The following FAAH2 variants were observed in gnomAD, a reference collection of about 807,000 sequenced individuals.
The protein encoded by FAAH2 is fatty acid amide hydrolase 2, also known as fatty-acid amide hydrolase 2.
A neutral mutation model predicts 36.9 loss-of-function variants in FAAH2; 60 were observed. That is an observed-to-expected ratio of 1.63 (90% confidence interval 1.32 to 2.02). The LOEUF (loss-of-function observed/expected upper bound fraction) is 2.02. FAAH2 is among the 30% of genes most tolerant of loss of function. The pLI, the probability that FAAH2 is intolerant of heterozygous loss-of-function variation, is 0.00. For missense variants in FAAH2, 689 were observed against 397.5 expected (o/e 1.73, Z -6.23); for synonymous variants, 214 against 143.8 (o/e 1.49, Z -3.49).
intron 4 of FAAH2, among the ~76,000 whole-genome samples, chrX:57,332,042 C>A (rs1312975556): frequency 9.0e-6 from 1 of 111,237 alleles, no homozygotes; most frequent in Non-Finnish European, 1.9e-5. Flanking sequence ...TGAGAATGAA[C>A]TACAAGTGAT....
At chrX:57,185,210 A>C in the FAAH2 span, among the ~76,000 whole-genome samples, 1 of 110,628 alleles carries the variant, frequency 9.0e-6, no homozygotes, top group Non-Finnish European at 1.9e-5. Context: ...TTAACTCACC[A>C]TCCCCAACTG....
At chrX:57,430,764 T>A (rs2056276249) in intron 7 of FAAH2, among the ~76,000 whole-genome samples, 1 of 111,847 alleles carries the variant, frequency 8.9e-6, no homozygotes, top group Non-Finnish European at 1.9e-5. Context: ...TAAATTTATT[T>A]TTTTTAGTTT....
At chrX:57,395,721 A>T (rs1445875471) in intron 7 of FAAH2, among the ~76,000 whole-genome samples, 2 of 111,775 alleles carry the variant, frequency 1.8e-5, no homozygotes, top group African/African-American at 6.5e-5. Flanking sequence ...TCAAACCCAC[A>T]TGGCTTGATG....
At chrX:57,296,036 G>A (rs969915445) in intron 2 of FAAH2, among the ~76,000 whole-genome samples, 2 of 112,516 alleles carry the variant, frequency 1.8e-5, no homozygotes, top group Non-Finnish European at 3.8e-5. Context: ...GCAGGACACA[G>A]ACAAACAAAA....
rs1337323590 is a variant in FAAH2, at chrX:57,427,321, AG to A, written c.997-4596del. On this transcript the variant is annotated intron_variant, in intron 7 of 10. Coordinates refer to ENST00000374900, the MANE Select transcript of FAAH2 (RefSeq NM_174912.4). ...CTCAATTCTACCCAATGTGCAAAGC[AG>A]AACTTATTCCAGTCCTACTGAAACA... 1.1e-4 allele frequency among the ~76,000 whole-genome samples: 12 copies of A among 111,433 alleles called. No homozygotes were observed. In the East Asian group the frequency reaches 3.1e-3, roughly 29 times the overall value.
At chrX:57,459,002 G>A (rs1379691861) in intron 10 of FAAH2, among the ~76,000 whole-genome samples, 1 of 111,715 alleles carries the variant, frequency 9.0e-6, no homozygotes, top group African/African-American at 3.3e-5. Flanking sequence ...GAGGGAAAGG[G>A]GGCTGAAGCC....
chrX:57,422,318 C>A (rs1341588222), intron 7 of FAAH2, among the ~76,000 whole-genome samples: 1 of 111,753 alleles, frequency 8.9e-6, no homozygotes, highest in Non-Finnish European at 1.9e-5. Flanking sequence ...CCTTTAAGTT[C>A]TTGATGGAAC....
chrX:57,446,836 T>A lies in FAAH2; in HGVS notation c.1117-92T>A. On this transcript the variant is annotated intron_variant, in intron 8 of 10. Transcript: ENST00000374900. ...TTGACTGGTATTTTACTGTTATGAA[T>A]GATTATTCATATATAAGTCTTGTAT... The A allele has an allele frequency of 7.7e-6, 4 of 522,286 alleles. No individual in the cohort carries two copies. In the South Asian group the frequency reaches 1.5e-4, roughly 19 times the overall value. 43.0% of individuals were successfully genotyped at this position (522,286 alleles called of 1,213,427 possible).
In FAAH2 at chrX:57,380,973, G is replaced by C. The variant is rs1424303007; in HGVS notation, c.940G>C (p.Gly314Arg). ...DLKFYWMEHD[G>R]GSFLMSKVDQ... ...AAAATTTTACTGGATGGAACATGAT[G>C]GAGGCTCATTTTTAATGTCCAAAGT... is the stretch of plus-strand genomic sequence containing the variant. The change falls in exon 7 of 11, where the codon GGA (glycine) becomes CGA (arginine). Residue 314 changes from glycine (G) to arginine (R), a missense_variant. Gly to Arg is a moderately radical substitution (Grantham distance 125). Transcript: ENST00000374900. 1 of 1,201,942 alleles carries C rather than the reference G, an allele frequency of 8.3e-7. No homozygotes were observed. Among genetic ancestry groups the C allele is most frequent in the Non-Finnish European group, 1.1e-6 (1 of 891,017 alleles).
chrX:57,344,464 A>G lies in FAAH2; in HGVS notation c.742+3074A>G, dbSNP rs192790622. Among the ~76,000 whole-genome samples the G allele has an allele frequency of 5.4e-5, 6 of 111,489 alleles. No individual in the cohort carries two copies. In the East Asian group the frequency reaches 1.7e-3, roughly 32 times the overall value. ...CTGTACATGAATTTTGTGTCCTGAA[A>G]CTTTACTAAAGTCATTTATCAATTC... On this transcript the variant is annotated intron_variant, in intron 5 of 10. Coordinates refer to ENST00000374900, the MANE Select transcript of FAAH2 (RefSeq NM_174912.4).
chrX:57,371,411 G>A (rs2054547105), intron 5 of FAAH2, among the ~76,000 whole-genome samples: 1 of 111,919 alleles, frequency 8.9e-6, no homozygotes, highest in African/African-American at 3.2e-5. Context: ...CCATGCTTCT[G>A]CAAATGAATT....
At chrX:57,441,088 A>G (rs1410536416) in intron 8 of FAAH2, among the ~76,000 whole-genome samples, 7 of 111,353 alleles carry the variant, frequency 6.3e-5, no homozygotes, top group Admixed American at 9.6e-5. Flanking sequence ...TGTTTCTGCC[A>G]GGCTTTGGTA....
At chrX:57,211,945 A>T in the FAAH2 span, among the ~76,000 whole-genome samples, 12 of 112,109 alleles carry the variant, frequency 1.1e-4, no homozygotes, top group Admixed American at 1.0e-3. Context: ...GTAAATTTAA[A>T]AATAAGTGGG....
chrX:57,353,495 A>AAAAG (rs1555980725), intron 5 of FAAH2, among the ~76,000 whole-genome samples: 1 of 106,969 alleles, frequency 9.3e-6, no homozygotes, highest in Non-Finnish European at 1.9e-5. Flanking sequence ...ATTAAAAAAA[A>AAAAG]AAAAAGAAAA....
the FAAH2 span, among the ~76,000 whole-genome samples, chrX:57,277,104 C>T: frequency 9.2e-6 from 1 of 108,642 alleles, no homozygotes; most frequent in Non-Finnish European, 1.9e-5. Flanking sequence ...ATACCAAAAC[C>T]TGGCAGAGAC....
the FAAH2 span, among the ~76,000 whole-genome samples, chrX:57,204,139 C>T: frequency 1.8e-5 from 2 of 111,107 alleles, no homozygotes; most frequent in African/African-American, 6.6e-5. Context: ...AATCATTGTG[C>T]GCCACCTCTG....
intron 2 of FAAH2, among the ~76,000 whole-genome samples, chrX:57,307,333 G>A (rs1316720182): frequency 3.7e-5 from 4 of 109,240 alleles, no homozygotes; most frequent in Non-Finnish European, 7.6e-5. Context: ...ACAATTCTAT[G>A]AGGTAATTAT....
intron 7 of FAAH2, among the ~76,000 whole-genome samples, chrX:57,419,880 T>A (rs1246386834): frequency 8.9e-6 from 1 of 111,955 alleles, no homozygotes; most frequent in African/African-American, 3.2e-5. Context: ...TAATCCATCT[T>A]GAATTGATTT....
At chrX:57,358,974 A>G (rs1161264711) in intron 5 of FAAH2, among the ~76,000 whole-genome samples, 5 of 111,072 alleles carry the variant, frequency 4.5e-5, no homozygotes, top group Non-Finnish European at 9.5e-5. Flanking sequence ...ATGCATAGTA[A>G]TCATATCAGG....
Sources: gnomAD v4.1 joint callset for allele counts (sites outside exome capture counted in the v4.1 genomes callset) on GRCh38, gnomAD v4.1.1 for gene constraint, MANE v1.5 for transcripts, NCBI Gene and HGNC (gene_info 2026-07-23, HGNC 2026-07-21) for gene names.